LRRC4C: variants seen among roughly 807,000 people sequenced by gnomAD.
LRRC4C encodes leucine rich repeat containing 4C.
In LRRC4C, 5 loss-of-function variants were observed where a neutral mutation model predicts 33.6. The ratio of observed to expected loss-of-function variants is 0.15; its 90% CI spans 0.08 to 0.31. The LOEUF is 0.31. Ranked by LOEUF, LRRC4C falls within the 10% of genes least tolerant of loss-of-function variation. The pLI is 1.00. For synonymous variants in LRRC4C, 329 were observed against 302.0 expected (o/e 1.09, Z -0.93); for missense variants, 560 against 796.7 (o/e 0.70, Z 3.58).
intron 1 of LRRC4C, among the ~76,000 whole-genome samples, chr11:40,979,637 T>C (rs976641335): frequency 2.0e-5 from 3 of 152,214 alleles, no homozygotes; most frequent in Non-Finnish European, 4.4e-5. Flanking sequence ...TTCATCTTTG[T>C]CAGCATTTAG....
intron 3 of LRRC4C, among the ~76,000 whole-genome samples, chr11:40,610,902 T>C (rs1455039580): frequency 6.6e-6 from 1 of 151,920 alleles, no homozygotes; most frequent in Non-Finnish European, 1.5e-5. Context: ...AGACATACTG[T>C]GTCAATGGAC....
chr11:41,099,541 C>T (rs1941033993), intron 1 of LRRC4C, among the ~76,000 whole-genome samples: 1 of 152,096 alleles, frequency 6.6e-6, no homozygotes, highest in African/African-American at 2.4e-5. Flanking sequence ...GTTCAACATA[C>T]ACAAATCAAT....
intron 3 of LRRC4C, among the ~76,000 whole-genome samples, chr11:40,324,944 T>A (rs1230859631): frequency 3.3e-5 from 5 of 152,204 alleles, no homozygotes; most frequent in Admixed American, 6.5e-5. Flanking sequence ...CTTCATAGGC[T>A]TATTTTGAGG....
intron 3 of LRRC4C, among the ~76,000 whole-genome samples, chr11:40,587,405 A>G (rs1958807905): frequency 6.7e-6 from 1 of 148,200 alleles, no homozygotes; most frequent in African/African-American, 2.5e-5. Flanking sequence ...TAGATATACA[A>G]TCATGTCGTC....
intron 1 of LRRC4C, among the ~76,000 whole-genome samples, chr11:41,198,774 C>A (rs560804798): frequency 6.6e-6 from 1 of 151,836 alleles, no homozygotes; most frequent in Non-Finnish European, 1.5e-5. Context: ...GTAGAAGTCC[C>A]AGCGAAATAA....
At chr11:41,304,031 A>G (rs1223937255) in intron 1 of LRRC4C, among the ~76,000 whole-genome samples, 2 of 54,906 alleles carry the variant, frequency 3.6e-5, no homozygotes, top group African/African-American at 4.8e-5. Context: ...CAGCCGCCCC[A>G]TCCGGGAGGG....
rs188054899 is a variant in LRRC4C at position 40,312,519 on chromosome 11, A to G, written c.-176+7109T>C. On this transcript the variant is annotated intron_variant, in intron 4 of 6. Coordinates refer to ENST00000528697, the MANE Select transcript of LRRC4C (RefSeq NM_001258419.2). The stretch of plus-strand genomic sequence containing the variant: ...TATTTTTAGGATAGTGGTATTGATA[A>G]GTAGACTGGGTTAAGTAAACTCCTC... 2.7e-4 allele frequency among the ~76,000 whole-genome samples: 41 copies of G among 152,288 alleles called. 1 individual carries two copies. In the East Asian group the frequency reaches 7.7e-3, roughly 29 times the overall value.
At chr11:40,705,686 T>C (rs191646412) in intron 2 of LRRC4C, among the ~76,000 whole-genome samples, 4 of 152,202 alleles carry the variant, frequency 2.6e-5, no homozygotes, top group Admixed American at 2.0e-4. Context: ...TGTGTCTTTA[T>C]AGTAGCATGA....
intron 4 of LRRC4C, among the ~76,000 whole-genome samples, chr11:40,286,505 T>G (rs1025802869): frequency 5.9e-5 from 9 of 152,152 alleles, no homozygotes; most frequent in African/African-American, 2.2e-4. Context: ...AAAACCATGA[T>G]CAAAAATAAC....
intron 1 of LRRC4C, among the ~76,000 whole-genome samples, chr11:41,103,948 C>T (rs1025932227): frequency 2.0e-5 from 3 of 151,838 alleles, no homozygotes; most frequent in Non-Finnish European, 4.4e-5. Context: ...TGAAGGTAGA[C>T]CCCTACTTCA....
chr11:41,443,089 A>ATTTT, intron 1 of LRRC4C, among the ~76,000 whole-genome samples: 34 of 105,996 alleles, frequency 3.2e-4, no homozygotes, highest in African/African-American at 5.5e-4. Flanking sequence ...TGTTTGCTTC[A>ATTTT]TTTTTTTTTT....
chr11:40,986,842 T>C (rs1273777957), intron 1 of LRRC4C, among the ~76,000 whole-genome samples: 1 of 152,218 alleles, frequency 6.6e-6, no homozygotes, highest in East Asian at 1.9e-4. Context: ...TTTAATATTT[T>C]CTTTGAATCC....
At chr11:40,298,083 C>A (rs1473721474) in intron 4 of LRRC4C, among the ~76,000 whole-genome samples, 3 of 152,102 alleles carry the variant, frequency 2.0e-5, no homozygotes, top group African/African-American at 7.2e-5. Flanking sequence ...ATGGAAAGAC[C>A]TACATTTTTT....
At chr11:40,215,142 C>T (rs1255880301) in intron 5 of LRRC4C, among the ~76,000 whole-genome samples, 2 of 152,118 alleles carry the variant, frequency 1.3e-5, no homozygotes, top group East Asian at 3.9e-4. Context: ...TATTCTGTGT[C>T]CACTACCAGC....
At chr11:40,499,250 T>C (rs532901836) in intron 3 of LRRC4C, among the ~76,000 whole-genome samples, 2 of 152,090 alleles carry the variant, frequency 1.3e-5, no homozygotes, top group African/African-American at 4.8e-5. Flanking sequence ...TCCAAAGAAA[T>C]AACCTGTCAA....
intron 3 of LRRC4C, among the ~76,000 whole-genome samples, chr11:40,614,754 A>C (rs1374465124): frequency 6.6e-6 from 1 of 151,566 alleles, no homozygotes; most frequent in Admixed American, 6.6e-5. Context: ...AACTATCTTA[A>C]TTTTAATATG....
intron 1 of LRRC4C, among the ~76,000 whole-genome samples, chr11:41,309,601 A>G (rs1439119837): frequency 1.3e-5 from 2 of 152,228 alleles, no homozygotes; most frequent in Non-Finnish European, 2.9e-5. Flanking sequence ...GAGGTGCAGT[A>G]CAAGATGACA....
chr11:41,443,565 T>C (rs1955722197), intron 1 of LRRC4C, among the ~76,000 whole-genome samples: 1 of 152,040 alleles, frequency 6.6e-6, no homozygotes, highest in Admixed American at 6.6e-5. Context: ...TCTCTCCTTT[T>C]TCTTTTTTCT....
intron 1 of LRRC4C, among the ~76,000 whole-genome samples, chr11:41,359,869 G>A (rs1049368393): frequency 2.0e-5 from 3 of 152,072 alleles, no homozygotes; most frequent in Non-Finnish European, 4.4e-5. Context: ...TCATCTATAT[G>A]TTTTCTGAAA....
Sources: gnomAD v4.1 joint callset for allele counts (sites outside exome capture counted in the v4.1 genomes callset) on GRCh38, gnomAD v4.1.1 for gene constraint, MANE v1.5 for transcripts, NCBI Gene and HGNC (gene_info 2026-07-23, HGNC 2026-07-21) for gene names.